Variants in TOGARAM2 observed in about 807,000 individuals in gnomAD.
The protein encoded by TOGARAM2 is TOG array regulator of axonemal microtubules 2.
Under a neutral mutation model 93.3 loss-of-function variants are expected in TOGARAM2, and 85 were observed. That is an observed-to-expected ratio of 0.91 (90% CI 0.76 to 1.09). The LOEUF is 1.09. Among genes scored for constraint, TOGARAM2 ranks in the 50% least tolerant of loss-of-function variants. The pLI, the probability that TOGARAM2 is intolerant of heterozygous loss-of-function variation, is 0.00. For synonymous variants in TOGARAM2, 593 were observed against 552.8 expected (o/e 1.07, Z -1.02); for missense variants, 1,277 against 1,334.5 (o/e 0.96, Z 0.67).
chr2:29,044,166 G>GA (rs1374307681), intron 18 of TOGARAM2, among the ~76,000 whole-genome samples: 3 of 152,234 alleles, frequency 2.0e-5, no homozygotes, highest in African/African-American at 4.8e-5. Flanking sequence ...GGTGTGGCTG[G>GA]ATGGTTGGTG....
upstream of TOGARAM2, among the ~76,000 whole-genome samples, chr2:28,976,921 T>C (rs1185396615): frequency 6.6e-6 from 1 of 152,038 alleles, no homozygotes; most frequent in Non-Finnish European, 1.5e-5. Flanking sequence ...GGGCTGGCCT[T>C]GGAGGGGGTG....
chr2:28,970,196 G>A (rs905824048), intron 1 of TOGARAM2, among the ~76,000 whole-genome samples: 1 of 152,112 alleles, frequency 6.6e-6, no homozygotes, highest in Admixed American at 6.6e-5. Context: ...ATGAGAAAAT[G>A]GGTTTCAGAG....
At position 29,022,217 on chromosome 2, in the gene TOGARAM2, A is replaced by C; in HGVS notation, c.1420A>C (p.Met474Leu). 6.2e-7 allele frequency: 1 copy of C among 1,613,956 alleles called. No homozygotes were observed. The highest frequency in any genetic ancestry group is 8.5e-7 in the Non-Finnish European group (1 of 1,179,880). Residue 474 changes from methionine to leucine, a missense_variant, in exon 11 of 20, where the codon ATG becomes CTG. By Grantham distance (15) the Met-to-Leu change is conservative. Transcript: ENST00000379558. ...TCCTGAATGGGAAGAAGAGGAGGAG[A>C]TGGATCTTAGAGCCTGTAAGGAGTT... ...GSPEWEEEEEMDLRACKELRP... is the reference protein window; with the variant it reads ...GSPEWEEEEELDLRACKELRP...
At chr2:28,976,139 G>A (rs1558395551) in intron 1 of TOGARAM2, among the ~76,000 whole-genome samples, 1 of 152,180 alleles carries the variant, frequency 6.6e-6, no homozygotes, top group Non-Finnish European at 1.5e-5. Context: ...GGGAGGCCGA[G>A]GTGGATGGAT....
Position 29,014,565 on chromosome 2 carries a change from C to T in TOGARAM2, c.1044+4C>T, listed in dbSNP as rs372973662. Reference sequence around the variant, plus strand: ...CCAGAAGGAGATCGGCACCAAGGTACCTGGGGAGCGGGAGGAGGAGGAAGT... The same window carrying T: ...CCAGAAGGAGATCGGCACCAAGGTATCTGGGGAGCGGGAGGAGGAGGAAGT... On this transcript the variant is annotated splice_donor_region_variant and intron_variant, in intron 8 of 19. Coordinates refer to ENST00000379558, the MANE Select transcript of TOGARAM2 (RefSeq NM_199280.4). The T allele has an allele frequency of 1.0e-5, 16 of 1,563,274 alleles. No homozygotes were observed. The South Asian group carries it at 1.4e-4, about 14-fold the overall frequency.
At chr2:28,998,861 T>G (rs1673130754) in intron 3 of TOGARAM2, among the ~76,000 whole-genome samples, 1 of 152,102 alleles carries the variant, frequency 6.6e-6, no homozygotes, top group Non-Finnish European at 1.5e-5. Flanking sequence ...TGTTGGACCC[T>G]GGAGATTGGT....
intron 1 of TOGARAM2, chr2:28,970,879 G>T (rs1014684367): frequency 6.6e-6 from 1 of 152,218 alleles, no homozygotes; most frequent in Non-Finnish European, 1.5e-5. Context: ...TGAAAAACAA[G>T]AAATCTTTTC....
chr2:28,967,703 C>A (rs1558392995), intron 1 of TOGARAM2, among the ~76,000 whole-genome samples: 2 of 150,868 alleles, frequency 1.3e-5, no homozygotes, highest in Non-Finnish European at 2.9e-5. Flanking sequence ...TGACCTTTGG[C>A]AAACTGCTTA....
chr2:28,963,104 G>A (rs1191092140), intron 1 of TOGARAM2, among the ~76,000 whole-genome samples: 1 of 152,080 alleles, frequency 6.6e-6, no homozygotes, highest in Non-Finnish European at 1.5e-5. Context: ...CTGAGTTACA[G>A]GCATGAGCCC....
In TOGARAM2 at chr2:29,022,299, G is replaced by T. The variant is rs1355301377; in HGVS notation, c.1502G>T (p.Ser501Ile). The T allele has an allele frequency of 6.2e-7, 1 of 1,613,974 alleles. No homozygotes were observed. The highest frequency in any genetic ancestry group is 2.2e-5 in the East Asian group (1 of 44,884). ...AGGGATGCACTCCAGTGCCTCAACA[G>T]CAGTGACTGGTGAGGAGATGCTTCC... ...GLRDALQCLN[S>I]SDWQMKEKGL... Residue 501 changes from serine to isoleucine, a missense_variant, in exon 11 of 20, where the codon AGC (serine) becomes ATC (isoleucine). Physicochemically the swap from Ser to Ile is moderately radical, Grantham distance 142 (BLOSUM62 -2). Transcript: ENST00000379558.
chr2:28,960,694 A>T (rs1040570405), intron 1 of TOGARAM2, among the ~76,000 whole-genome samples: 8 of 152,170 alleles, frequency 5.3e-5, no homozygotes, highest in African/African-American at 1.7e-4. Context: ...ATTTTCTATC[A>T]TCTGGAAGTT....
At chr2:28,989,643 G>T (rs1000630469) in intron 1 of TOGARAM2, among the ~76,000 whole-genome samples, 1 of 152,170 alleles carries the variant, frequency 6.6e-6, no homozygotes, top group African/African-American at 2.4e-5. Flanking sequence ...GAACTCAAGC[G>T]ATCTGCCAGC....
chr2:29,020,315 C>A (rs866773327), intron 10 of TOGARAM2, among the ~76,000 whole-genome samples: 1 of 150,848 alleles, frequency 6.6e-6, no homozygotes, highest in African/African-American at 2.5e-5. Flanking sequence ...TAACTAGGGG[C>A]AAGGAGGCAA....
chr2:29,024,005 T>C (rs1665150065), intron 12 of TOGARAM2, 134 bp from the exon 13 acceptor site: 2 of 691,486 alleles, frequency 2.9e-6, no homozygotes, highest in Non-Finnish European at 4.9e-6. Flanking sequence ...GGGTTTTTGT[T>C]TCCAGCGTGG....
At chr2:29,008,992 A>G (rs1196953008) in intron 6 of TOGARAM2, among the ~76,000 whole-genome samples, 1 of 152,176 alleles carries the variant, frequency 6.6e-6, no homozygotes, top group Non-Finnish European at 1.5e-5. Flanking sequence ...CATTTCAGTC[A>G]TCCATCTGTC....
intron 8 of TOGARAM2, among the ~76,000 whole-genome samples, chr2:29,016,090 T>C (rs1572711882): frequency 6.6e-6 from 1 of 152,146 alleles, no homozygotes; most frequent in Non-Finnish European, 1.5e-5. Context: ...ACTCAACCCT[T>C]GAATGCTCAC....
At chr2:28,961,968 A>G (rs1267992572) in intron 1 of TOGARAM2, among the ~76,000 whole-genome samples, 1 of 152,216 alleles carries the variant, frequency 6.6e-6, no homozygotes, top group Non-Finnish European at 1.5e-5. Context: ...CAACTTAAGT[A>G]GTTTTTACAG....
At position 29,002,562 on chromosome 2, in the gene TOGARAM2, C is replaced by T; in HGVS notation, c.454C>T (p.Gln152Ter). The T allele has an allele frequency of 6.2e-7, 1 of 1,613,820 alleles. No individual in the cohort carries two copies. The highest frequency in any genetic ancestry group is 8.5e-7 in the Non-Finnish European group (1 of 1,179,832). ...CTCTCTGGATCCAGGGGGAGGCCCC[C>T]AAGGAGTTCCCCTGCACAGCACCAT... ...RASLDPGGGP[Q>*]GVPLHSTIPR... The change falls in exon 5 of 20, where the codon CAA (glutamine) becomes TAA (stop). Residue 152 changes from glutamine to a stop codon, truncating the protein, a stop_gained. Coordinates refer to ENST00000379558, the MANE Select transcript of TOGARAM2 (RefSeq NM_199280.4). LOFTEE classifies it high-confidence loss of function.
chr2:28,973,441 C>CCTTTCCTTCCTTCCCTTCCCCTTCCTT (rs1558394769), intron 1 of TOGARAM2, among the ~76,000 whole-genome samples: 1 of 39,070 alleles, frequency 2.6e-5, no homozygotes, highest in Non-Finnish European at 6.4e-5. Context: ...CCTTCCCTTC[C>CCTTTCCTTCCTTCCCTTCCCCTTCCTT]CCTTCCTTCC....
Sources: allele counts gnomAD v4.1 joint callset (sites outside exome capture counted in the v4.1 genomes callset), GRCh38; gene constraint gnomAD v4.1.1; transcripts MANE v1.5; gene names NCBI Gene and HGNC (gene_info 2026-07-23, HGNC 2026-07-21).